Variants in NINJ2 observed in about 807,000 individuals in gnomAD.
NINJ2 encodes the protein ninjurin 2, also known as ninjurin-2.
A neutral mutation model predicts 11.7 loss-of-function variants in NINJ2; 12 were observed. The ratio of observed to expected loss-of-function variants is 1.02; its 90% CI spans 0.66 to 1.66. The LOEUF is 1.66. NINJ2 is among the 40% of genes most tolerant of loss of function. The pLI, the probability that NINJ2 is intolerant of heterozygous loss-of-function variation, is 0.00. For missense variants in NINJ2, 187 were observed against 181.8 expected, an observed-to-expected ratio of 1.03 and a Z score of -0.16; for synonymous variants, 93 against 76.8, an observed-to-expected ratio of 1.21 and a Z score of -1.10.
intron 1 of NINJ2, among the ~76,000 whole-genome samples, chr12:579,171 G>A (rs1301556904): frequency 6.6e-6 from 1 of 152,196 alleles, no homozygotes; most frequent in Non-Finnish European, 1.5e-5. Flanking sequence ...AGAATAAGAA[G>A]CAATGAGAGC....
intron 1 of NINJ2, among the ~76,000 whole-genome samples, chr12:609,845 G>C (rs73596277): frequency 2.0e-5 from 3 of 150,536 alleles, no homozygotes; most frequent in Admixed American, 1.3e-4. Flanking sequence ...AGGAGGCTCA[G>C]GCAGGAGGAT....
chr12:580,820 G>A lies in NINJ2; in HGVS notation c.34-14642C>T, dbSNP rs1475579962. Among the ~76,000 whole-genome samples, 2 of 151,666 alleles carry A rather than the reference G, an allele frequency of 1.3e-5. No homozygotes were observed. The highest frequency in any genetic ancestry group is 2.4e-5 in the African/African-American group (1 of 41,216). ...TGTGTGTGTGTGTCTGTGTGTATGC[G>A]TGTGTGTCTGTGTGTATGCATGTGT... On this transcript the variant is annotated intron_variant, in intron 1 of 3. Transcript: ENST00000305108. The surrounding 1 kb of genome is among the most constrained non-coding windows in gnomAD (Gnocchi z 4.7).
intron 1 of NINJ2, among the ~76,000 whole-genome samples, chr12:651,094 T>C (rs556751120): frequency 6.6e-6 from 1 of 152,244 alleles, no homozygotes; most frequent in South Asian, 2.1e-4. Context: ...GACCCAGTCA[T>C]GGGGGTGGGC....
intron 1 of NINJ2, chr12:586,568 A>T (rs2120856415): frequency 6.6e-6 from 1 of 152,446 alleles, no homozygotes; most frequent in East Asian, 1.9e-4. Flanking sequence ...GCGCACGCCC[A>T]CTCAAAGGCA....
At chr12:621,170 A>C (rs576801647) in intron 1 of NINJ2, among the ~76,000 whole-genome samples, 43 of 152,156 alleles carry the variant, frequency 2.8e-4, no homozygotes, top group Non-Finnish European at 5.6e-4. Context: ...GTGTACAACC[A>C]GGCATGGTGA....
intron 1 of NINJ2, chr12:610,394 T>C (rs1173864793): frequency 1.1e-5 from 17 of 1,535,430 alleles, no homozygotes; most frequent in Non-Finnish European, 1.5e-5. Context: ...AACTGAAGCC[T>C]CTTGCCCCAC....
At chr12:582,026 CT>C (rs1479117816) in intron 1 of NINJ2, among the ~76,000 whole-genome samples, 2 of 152,216 alleles carry the variant, frequency 1.3e-5, no homozygotes, top group African/African-American at 4.8e-5. Flanking sequence ...TCCCCCTTCA[CT>C]TCTCACAGAG....
intron 1 of NINJ2, among the ~76,000 whole-genome samples, chr12:567,747 C>G (rs1037056520): frequency 1.3e-5 from 2 of 152,090 alleles, no homozygotes; most frequent in Non-Finnish European, 2.9e-5. Context: ...GGCTCATGCC[C>G]GTAACTCCAG....
intron 1 of NINJ2, among the ~76,000 whole-genome samples, chr12:655,055 T>C (rs185734107): frequency 3.3e-5 from 5 of 152,274 alleles, no homozygotes. Flanking sequence ...CTCAGTACAC[T>C]AGATAATTTC....
chr12:589,738 A>G (rs961136424), intron 1 of NINJ2: 5 of 152,212 alleles, frequency 3.3e-5, no homozygotes, highest in African/African-American at 7.2e-5. Flanking sequence ...ATGCCTCCTG[A>G]GTCCTAGGCA....
chr12:642,188 CAG>C (rs1948426867), intron 1 of NINJ2, among the ~76,000 whole-genome samples: 1 of 152,100 alleles, frequency 6.6e-6, no homozygotes, highest in Non-Finnish European at 1.5e-5. Flanking sequence ...CCTAAAAAAT[CAG>C]AGAGGAAAAA....
intron 2 of NINJ2, chr12:565,705 C>T (rs963516630): frequency 1.5e-4 from 95 of 621,274 alleles, no homozygotes; most frequent in African/African-American, 1.2e-3. Context: ...GAGGTGCTGG[C>T]GCAGTCATTC....
chr12:571,635 T>C (rs1379777364), intron 1 of NINJ2, among the ~76,000 whole-genome samples: 1 of 152,272 alleles, frequency 6.6e-6, no homozygotes, highest in African/African-American at 2.4e-5. Flanking sequence ...AAGGATTGCT[T>C]CATTGTTCTG....
intron 1 of NINJ2, among the ~76,000 whole-genome samples, chr12:616,085 A>T (rs1270220381): frequency 6.6e-6 from 1 of 152,222 alleles, no homozygotes; most frequent in African/African-American, 2.4e-5. Flanking sequence ...TCAGGAAGGT[A>T]AAGGACTGGT....
intron 1 of NINJ2, among the ~76,000 whole-genome samples, chr12:620,118 C>A (rs1421988882): frequency 6.6e-6 from 1 of 152,230 alleles, no homozygotes; most frequent in African/African-American, 2.4e-5. Flanking sequence ...TCCCTTTGGA[C>A]ACCTCCTAGT....
rs79700344 is a variant in NINJ2, at chr12:602,394, T to C, written c.34-36216A>G. Among the ~76,000 whole-genome samples the C allele has an allele frequency of 4.7e-3, 711 of 152,364 alleles. 37 individuals are homozygous for C. In the East Asian group the frequency reaches 0.12, roughly 25 times the overall value. Reference sequence around the variant, plus strand: ...CCTGTCAGTGGGATCACATACTCTGTGGTCCTTTGTGTTGTTCATTTAGCA... The same window carrying C: ...CCTGTCAGTGGGATCACATACTCTGCGGTCCTTTGTGTTGTTCATTTAGCA... On this transcript the variant is annotated intron_variant, in intron 1 of 3. Coordinates refer to ENST00000305108, the MANE Select transcript of NINJ2 (RefSeq NM_016533.6).
At chr12:600,343 A>G (rs1947849855) in intron 1 of NINJ2, among the ~76,000 whole-genome samples, 1 of 152,136 alleles carries the variant, frequency 6.6e-6, no homozygotes. Context: ...GCCTGAGCTC[A>G]GGAGTTAGAG....
chr12:611,783 T>G (rs762014320), intron 1 of NINJ2, among the ~76,000 whole-genome samples: 12 of 152,242 alleles, frequency 7.9e-5, no homozygotes, highest in Non-Finnish European at 1.8e-4. Flanking sequence ...ATAAATAACC[T>G]GCTAGAAGTC....
intron 1 of NINJ2, among the ~76,000 whole-genome samples, chr12:606,661 C>T (rs1947945624): frequency 6.6e-6 from 1 of 152,156 alleles, no homozygotes; most frequent in Admixed American, 6.5e-5. Flanking sequence ...AGCAGCCACA[C>T]TAGAAGCTAC....
Sources: gnomAD v4.1 joint callset for allele counts (sites outside exome capture counted in the v4.1 genomes callset) on GRCh38, gnomAD v4.1.1 for gene constraint, Gnocchi (gnomAD v3.1) non-coding constraint, MANE v1.5 for transcripts, NCBI Gene and HGNC (gene_info 2026-07-23, HGNC 2026-07-21) for gene names.